Variants in ENPP1 observed in about 807,000 individuals in gnomAD.
The protein encoded by ENPP1 is ectonucleotide pyrophosphatase/phosphodiesterase family member 1.
Under a neutral mutation model 122.8 loss-of-function variants are expected in ENPP1, and 73 were observed. The ratio of observed to expected loss-of-function variants is 0.59; its 90% CI spans 0.49 to 0.72. The LOEUF (loss-of-function observed/expected upper bound fraction) is 0.72, where lower values mean the gene tolerates loss of function less well. ENPP1 is among the 30% of genes least tolerant of loss of function. ENPP1 has a pLI of 0.00. For missense variants in ENPP1, 978 were observed against 1,128.1 expected (o/e 0.87, Z 1.91); for synonymous variants, 367 against 391.6 (o/e 0.94, Z 0.74).
rs577429200 is a variant in ENPP1 at position 131,867,118 on chromosome 6, C to T, written c.1165-900C>T. Among the ~76,000 whole-genome samples the T allele has an allele frequency of 8.5e-5, 13 of 152,330 alleles. 1 individual carries two copies. In the South Asian group the frequency reaches 2.5e-3, roughly 29 times the overall value. ...GCAAACTCTGTGAACTCCAACATTA[C>T]TGGCACACCAAAACCCACTTTATCT... is the stretch of plus-strand genomic sequence containing the variant. On this transcript the variant is annotated intron_variant, in intron 11 of 24. Coordinates refer to ENST00000647893, the MANE Select transcript of ENPP1 (RefSeq NM_006208.3).
intron 24 of ENPP1, among the ~76,000 whole-genome samples, chr6:131,889,736 T>G (rs1344972329): frequency 2.0e-5 from 3 of 152,184 alleles, no homozygotes; most frequent in African/African-American, 7.2e-5. Context: ...TTGTGAATAG[T>G]GCTGCACTGA....
At chr6:131,859,992 T>C (rs62424481) in intron 7 of ENPP1, among the ~76,000 whole-genome samples, 7,800 of 152,150 alleles carry the variant, frequency 0.051, 319 homozygotes, top group African/African-American at 0.11. Context: ...GAGTTGGTCA[T>C]GTCCCACGGG....
chr6:131,864,613 T>C (rs970276894), intron 10 of ENPP1, 42 bp downstream of exon 10: 5 of 1,315,168 alleles, frequency 3.8e-6, no homozygotes, highest in Non-Finnish European at 4.4e-6. Flanking sequence ...CTTCGTTTTG[T>C]AGAAATGATA....
At chr6:131,882,243 G>A (rs998152386) in intron 20 of ENPP1, 102 bp from the exon 21 acceptor site, 46 of 964,846 alleles carry the variant, frequency 4.8e-5, no homozygotes, top group Non-Finnish European at 7.3e-5. Context: ...CTGACAGCTA[G>A]AGCTTCATAA....
chr6:131,848,352 TA>T (rs1179951567), intron 2 of ENPP1, among the ~76,000 whole-genome samples: 5 of 152,176 alleles, frequency 3.3e-5, no homozygotes, highest in Non-Finnish European at 7.3e-5. Context: ...AAGATTATAA[TA>T]AATAATTAAA....
At position 131,875,787 on chromosome 6, in the gene ENPP1, T is replaced by G; in HGVS notation, c.1647T>G (p.Val549=). Residue 549 remains valine, a synonymous_variant, in exon 17 of 25, where the codon GTT becomes GTG. Coordinates refer to ENST00000647893, the MANE Select transcript of ENPP1 (RefSeq NM_006208.3). Reference sequence around the variant, plus strand: ...TTCTGGCCATCTAGGCCCTCTTTGTTGGCTATGGACCTGGATTCAAGCATG... The same window carrying G: ...TTCTGGCCATCTAGGCCCTCTTTGTGGGCTATGGACCTGGATTCAAGCATG... ...NVFSNMQALF[V]GYGPGFKHGI... 6.2e-7 allele frequency: 1 copy of G among 1,614,008 alleles called. No individual in the cohort carries two copies. The highest frequency in any genetic ancestry group is 8.5e-7 in the Non-Finnish European group (1 of 1,179,842).
At chr6:131,884,057 T>C (rs1302081076) in intron 22 of ENPP1, among the ~76,000 whole-genome samples, 1 of 152,216 alleles carries the variant, frequency 6.6e-6, no homozygotes, top group African/African-American at 2.4e-5. Flanking sequence ...TTATATTAAC[T>C]TTCATTCGGC....
intron 1 of ENPP1, among the ~76,000 whole-genome samples, chr6:131,824,984 C>T (rs947194598): frequency 6.0e-4 from 91 of 151,846 alleles, no homozygotes; most frequent in African/African-American, 2.0e-3. Context: ...TGCTTGAACC[C>T]GGGAGGTGGA....
chr6:131,887,435 C>T (rs1188966948), intron 24 of ENPP1, among the ~76,000 whole-genome samples: 2 of 151,678 alleles, frequency 1.3e-5, no homozygotes, highest in Admixed American at 1.3e-4. Flanking sequence ...CTTTGGCTCC[C>T]AGGCTGGAGT....
chr6:131,878,408 A>G, intron 18 of ENPP1, 134 bp from the exon 19 acceptor site: 1 of 708,114 alleles, frequency 1.4e-6, no homozygotes, highest in Non-Finnish European at 2.5e-6. Flanking sequence ...AAAGAGAAAA[A>G]AAAATCCACT....
At chr6:131,828,335 C>T (rs890353819) in intron 1 of ENPP1, 17 of 436,858 alleles carry the variant, frequency 3.9e-5, no homozygotes, top group Non-Finnish European at 5.8e-5. Context: ...TACCAGAAGA[C>T]ATCCTACCAT....
Position 131,847,802 on chromosome 6 carries a change from A to C in ENPP1, c.267A>C (p.Thr89=). The C allele has an allele frequency of 1.2e-6, 2 of 1,612,010 alleles. No homozygotes were observed. Among genetic ancestry groups the C allele is most frequent in the Non-Finnish European group, 1.7e-6 (2 of 1,179,222 alleles). Residue 89 remains threonine, a synonymous_variant, in exon 2 of 25, where the codon ACA becomes ACC. Transcript: ENST00000647893. ...TATTGTCAGTATGTGTGTTAACAAC[A>C]ATACTTGGTTGTATATTTGGGTTGA... ...SLVLSVCVLT[T]ILGCIFGLKP...
chr6:131,819,724 T>C, intron 1 of ENPP1: 1 of 275,228 alleles, frequency 3.6e-6, no homozygotes, highest in South Asian at 4.4e-5. Flanking sequence ...TGCTCCAGCA[T>C]GGCCAGCCCC....
At position 131,827,821 on chromosome 6, in the gene ENPP1, A is replaced by G. The variant is rs531448385; in HGVS notation, c.240+19546A>G. On this transcript the variant is annotated intron_variant, in intron 1 of 24. Coordinates refer to ENST00000647893, the MANE Select transcript of ENPP1 (RefSeq NM_006208.3). ...GGGCAATGACTGCTTTCTGGAATCT[A>G]TGTCAGTTGAACACCCTGAGGACGA... 1.2e-5 allele frequency: 14 copies of G among 1,149,432 alleles called. No homozygotes were observed. In the Admixed American group the frequency reaches 1.9e-4, roughly 15 times the overall value. The allele number at this position is 1,149,432 out of a possible 1,614,324, so 71.2% of individuals were successfully genotyped here.
At chr6:131,873,284 C>A (rs1782186381) in intron 15 of ENPP1, among the ~76,000 whole-genome samples, 1 of 152,098 alleles carries the variant, frequency 6.6e-6, no homozygotes, top group African/African-American at 2.4e-5. Flanking sequence ...TACTTCTCCC[C>A]ACTAGATGAA....
intron 1 of ENPP1, chr6:131,828,332 A>T (rs1781571546): frequency 4.4e-6 from 2 of 449,650 alleles, no homozygotes; most frequent in Admixed American, 5.1e-5. Flanking sequence ...TAATACCAGA[A>T]GACATCCTAC....
chr6:131,844,338 AC>A (rs758571606), intron 1 of ENPP1, among the ~76,000 whole-genome samples: 1 of 152,234 alleles, frequency 6.6e-6, no homozygotes, highest in Non-Finnish European at 1.5e-5. Flanking sequence ...TGCGTAAAGT[AC>A]AAACTTTGCT....
chr6:131,844,330 C>T (rs547772146), intron 1 of ENPP1, among the ~76,000 whole-genome samples: 4 of 152,278 alleles, frequency 2.6e-5, no homozygotes, highest in South Asian at 2.1e-4. Context: ...TGAGTAATTG[C>T]GTAAAGTACA....
chr6:131,838,128 T>C (rs1781699396), intron 1 of ENPP1, among the ~76,000 whole-genome samples: 1 of 152,110 alleles, frequency 6.6e-6, no homozygotes, highest in African/African-American at 2.4e-5. Flanking sequence ...AGAATAACAT[T>C]GTAGAACACA....
Sources: allele counts gnomAD v4.1 joint callset (sites outside exome capture counted in the v4.1 genomes callset), GRCh38; gene constraint gnomAD v4.1.1; transcripts MANE v1.5; gene names NCBI Gene and HGNC (gene_info 2026-07-23, HGNC 2026-07-21).